Variants in MYO5A observed in about 807,000 individuals in gnomAD.
The protein encoded by MYO5A is myosin VA, also known as unconventional myosin-Va.
MYO5A carries 98 observed loss-of-function variants against 249.7 expected under a neutral mutation model. The ratio of observed to expected loss-of-function variants is 0.39; its 90% CI spans 0.33 to 0.46. MYO5A has a LOEUF of 0.46. MYO5A is among the 20% of genes least tolerant of loss of function. The pLI is 0.98. For missense variants in MYO5A, 1,696 were observed against 2,308.8 expected, an observed-to-expected ratio of 0.73 and a Z score of 5.44; for synonymous variants, 778 against 810.6, an observed-to-expected ratio of 0.96 and a Z score of 0.68.
chr15:52,330,221 G>T, intron 35 of MYO5A, 132 bp downstream of exon 35: 1 of 1,221,596 alleles, frequency 8.2e-7, no homozygotes, highest in Non-Finnish European at 1.2e-6. Context: ...CACTACTGCA[G>T]CACTAGAATA....
At chr15:52,421,342 G>C (rs766414841) in intron 4 of MYO5A, among the ~76,000 whole-genome samples, 1 of 152,180 alleles carries the variant, frequency 6.6e-6, no homozygotes, top group Non-Finnish European at 1.5e-5. Context: ...AACCAGATGA[G>C]AGGCTCAAGT....
At chr15:52,344,789 T>A (rs1325229233) in intron 30 of MYO5A, among the ~76,000 whole-genome samples, 1 of 152,238 alleles carries the variant, frequency 6.6e-6, no homozygotes, top group Non-Finnish European at 1.5e-5. Flanking sequence ...CAGCAGCCTA[T>A]AATCTCAGTG....
chr15:52,390,548 CTT>C (rs961218362), intron 12 of MYO5A, among the ~76,000 whole-genome samples: 1 of 140,192 alleles, frequency 7.1e-6, no homozygotes, highest in Admixed American at 7.2e-5. Context: ...TTCTCCCTCT[CTT>C]TTTTTTTTTC....
intron 1 of MYO5A, among the ~76,000 whole-genome samples, chr15:52,469,069 T>C (rs1371614528): frequency 1.3e-5 from 2 of 152,222 alleles, no homozygotes; most frequent in African/African-American, 4.8e-5. Flanking sequence ...AAAAATGTTC[T>C]GCAGCATTGT....
At chr15:52,329,619 C>T (rs939313110) in intron 35 of MYO5A, among the ~76,000 whole-genome samples, 5 of 152,136 alleles carry the variant, frequency 3.3e-5, no homozygotes, top group African/African-American at 1.2e-4. Flanking sequence ...ATTACACTGC[C>T]GTCCTTGACC....
chr15:52,507,839 C>T (rs2141607805), intron 1 of MYO5A, among the ~76,000 whole-genome samples: 1 of 142,670 alleles, frequency 7.0e-6, no homozygotes, highest in East Asian at 2.1e-4. Flanking sequence ...AACTAGAGAT[C>T]TATCTAGGGC....
intron 1 of MYO5A, among the ~76,000 whole-genome samples, chr15:52,501,876 TACACACACACACACACAC>T (rs10552352): frequency 7.1e-6 from 1 of 140,432 alleles, no homozygotes; most frequent in African/African-American, 2.5e-5. Flanking sequence ...ATACATATAC[TACACACACACACACACAC>T]ACACACACAC....
intron 25 of MYO5A, among the ~76,000 whole-genome samples, chr15:52,355,901 A>G (rs972503835): frequency 1.4e-4 from 22 of 152,334 alleles, no homozygotes; most frequent in African/African-American, 4.8e-4. Flanking sequence ...GGATAACCTA[A>G]TAACATTTTA....
In MYO5A at chr15:52,396,279, T is replaced by G. The variant is rs3751615; in HGVS notation, c.1401+37A>C. The G allele has an allele frequency of 7.6e-4, 899 of 1,180,706 alleles. 8 individuals carry two copies. The East Asian group carries it at 0.012, about 16-fold the overall frequency. The allele number at this position is 1,180,706 out of a possible 1,614,324, so 73.1% of individuals were successfully genotyped here. A position where few individuals can be genotyped will look rare whatever the true frequency, so the allele number is the denominator to read the frequency against. ...AAGACTAGGAATTCAAGAGAATAAT[T>G]TATAGCAGAGTATTATTCAAGGAAG... is the stretch of plus-strand genomic sequence containing the variant. On this transcript the variant is annotated intron_variant, in intron 11 of 41. Coordinates refer to ENST00000399233, the MANE Select transcript of MYO5A (RefSeq NM_001382347.1).
intron 30 of MYO5A, among the ~76,000 whole-genome samples, chr15:52,345,341 G>T (rs1272709176): frequency 6.6e-6 from 1 of 152,140 alleles, no homozygotes; most frequent in Non-Finnish European, 1.5e-5. Context: ...TAGCACGTTG[G>T]GAGGCCGAAG....
chr15:52,364,690 T>C lies in MYO5A; in HGVS notation c.3173A>G (p.Lys1058Arg), dbSNP rs763447536. 6.2e-7 allele frequency: 1 copy of C among 1,613,768 alleles called. No homozygotes were observed. The highest frequency in any genetic ancestry group is 8.5e-7 in the Non-Finnish European group (1 of 1,179,856). Residue 1058 changes from lysine to arginine, a missense_variant, in exon 24 of 42, where the codon AAG becomes AGG. By Grantham distance (26) the Lys-to-Arg change is conservative. Around this residue, in one of 5 missense-constraint regions of MYO5A, gnomAD observed 412 missense variants for 453.3 expected, o/e 0.91. Coordinates refer to ENST00000399233, the MANE Select transcript of MYO5A (RefSeq NM_001382347.1). The stretch of plus-strand genomic sequence containing the variant: ...TTGTTTCGTTTCTTCTACTAACTTC[T>C]TCTCCATAGTTTCTGAAATTAAAAA... ...QAKEMTETME[K>R]KLVEETKQLE... is the part of the protein sequence containing the mutation.
In MYO5A at chr15:52,481,261, T is replaced by C. The variant is rs575934466; in HGVS notation, c.27+47519A>G. ...TGTCCTTGCTGAAGATCTAAGCAAA[T>C]GGTCTCTAGGAATGAAAAACAGATT... On this transcript the variant is annotated intron_variant, in intron 1 of 41. Transcript: ENST00000399233. 3.3e-5 allele frequency among the ~76,000 whole-genome samples: 5 copies of C among 152,352 alleles called. No individual in the cohort carries two copies. In the East Asian group the frequency reaches 7.7e-4, roughly 23 times the overall value.
In MYO5A at chr15:52,317,265, T is replaced by G. The variant is rs57719394; in HGVS notation, c.5235-43A>C. ...TACAGAGAATGCAAATTTGCTGAAT[T>G]TTGTCAAAAATGTCTTAATTTTTTT... On this transcript the variant is annotated intron_variant, in intron 39 of 41. Coordinates refer to ENST00000399233, the MANE Select transcript of MYO5A (RefSeq NM_001382347.1). 6.9e-3 allele frequency: 11,102 copies of G among 1,599,220 alleles called. 697 individuals are homozygous for G. In the African/African-American group the frequency reaches 0.13, roughly 19 times the overall value.
At chr15:52,449,184 G>C (rs2075963077) in intron 1 of MYO5A, among the ~76,000 whole-genome samples, 1 of 151,798 alleles carries the variant, frequency 6.6e-6, no homozygotes, top group Non-Finnish European at 1.5e-5. Flanking sequence ...GGCCAGGCTG[G>C]TCTTGAACTC....
chr15:52,324,760 A>C (rs1192282363), intron 36 of MYO5A, among the ~76,000 whole-genome samples: 1 of 152,154 alleles, frequency 6.6e-6, no homozygotes, highest in Non-Finnish European at 1.5e-5. Flanking sequence ...TAAGTAAATA[A>C]AATCACCTTT....
intron 1 of MYO5A, among the ~76,000 whole-genome samples, chr15:52,439,540 C>A (rs2075741198): frequency 6.6e-6 from 1 of 152,160 alleles, no homozygotes; most frequent in African/African-American, 2.4e-5. Flanking sequence ...AGTTTGTGGG[C>A]AGCACATATA....
intron 1 of MYO5A, among the ~76,000 whole-genome samples, chr15:52,436,572 T>A (rs2075667998): frequency 6.6e-6 from 1 of 152,240 alleles, no homozygotes; most frequent in African/African-American, 2.4e-5. Flanking sequence ...TTATTCACTA[T>A]CTGAAATCAC....
At chr15:52,318,705 C>T (rs1169121923) in intron 39 of MYO5A, among the ~76,000 whole-genome samples, 1 of 152,092 alleles carries the variant, frequency 6.6e-6, no homozygotes, top group Non-Finnish European at 1.5e-5. Flanking sequence ...TTAATAATTT[C>T]TTATTGTATA....
rs1006224440 is a variant in MYO5A, at chr15:52,312,365, G to C, written c.*1331C>G. ...ACAATCCTCTCTAGATAGTGAGTGA[G>C]ATTCTTTTTTTTTCCAAGGCAGTGT... On this transcript the variant is annotated 3_prime_UTR_variant, in exon 42 of 42. Transcript: ENST00000399233. 3 of 152,050 alleles carry C rather than the reference G, an allele frequency of 2.0e-5. No homozygotes were observed. Among genetic ancestry groups the C allele is most frequent in the Non-Finnish European group, 4.4e-5 (3 of 68,000 alleles). 9.4% of individuals were successfully genotyped at this position (152,050 alleles called of 1,614,324 possible). A position where few individuals can be genotyped will look rare whatever the true frequency, so the allele number is the denominator to read the frequency against.
Sources: gnomAD v4.1 joint callset for allele counts (sites outside exome capture counted in the v4.1 genomes callset) on GRCh38, gnomAD v4.1.1 for gene constraint, gnomAD v4.1.1 regional missense constraint, MANE v1.5 for transcripts, NCBI Gene and HGNC (gene_info 2026-07-23, HGNC 2026-07-21) for gene names.